The following NT5C2 variants were observed in gnomAD, a reference collection of about 807,000 sequenced individuals.
NT5C2 encodes the protein cytosolic purine 5'-nucleotidase.
NT5C2 carries 58 observed loss-of-function variants against 76.1 expected under a neutral mutation model. The ratio of observed to expected loss-of-function variants is 0.76; its 90% confidence interval spans 0.62 to 0.95. The LOEUF (loss-of-function observed/expected upper bound fraction) is 0.95, where lower values mean the gene tolerates loss of function less well. NT5C2 is among the 40% of genes least tolerant of loss of function. The pLI, the probability that NT5C2 is intolerant of heterozygous loss-of-function variation, is 0.00. For missense variants in NT5C2, 478 were observed against 690.3 expected (o/e 0.69, Z 3.45); for synonymous variants, 229 against 237.4 (o/e 0.96, Z 0.32).
At chr10:103,138,442 C>G (rs1262787498) in intron 4 of NT5C2, among the ~76,000 whole-genome samples, 2 of 152,040 alleles carry the variant, frequency 1.3e-5, no homozygotes, top group Non-Finnish European at 2.9e-5. Flanking sequence ...CCTCTCACCC[C>G]CCGACAAGCC....
chr10:103,124,006 T>C (rs1021188983), intron 4 of NT5C2, among the ~76,000 whole-genome samples: 7 of 152,230 alleles, frequency 4.6e-5, no homozygotes, highest in Non-Finnish European at 5.9e-5. Context: ...ACCATTATGT[T>C]GCTCTAGTCT....
At chr10:103,138,866 G>A (rs770008830) in intron 4 of NT5C2, among the ~76,000 whole-genome samples, 1 of 152,156 alleles carries the variant, frequency 6.6e-6, no homozygotes, top group Non-Finnish European at 1.5e-5. Flanking sequence ...AATTAGCCGG[G>A]TGTGGTGGTG....
chr10:103,093,062 A>C lies in NT5C2; in HGVS notation c.1159+77T>G, dbSNP rs2067316369. On this transcript the variant is annotated intron_variant, in intron 15 of 18. Transcript: ENST00000404739. ...ACCTCTGACTTCCTGAATACAAAGT[A>C]ATGGTTTATCAAAGACGACTGATTC... 3 of 1,278,398 alleles carry C rather than the reference A, an allele frequency of 2.3e-6. No individual in the cohort carries two copies. In the African/African-American group the frequency reaches 4.5e-5, roughly 19 times the overall value. The allele number at this position is 1,278,398 out of a possible 1,614,324, so 79.2% of individuals were successfully genotyped here.
chr10:103,140,988 C>T (rs898889005), intron 3 of NT5C2, among the ~76,000 whole-genome samples: 1 of 152,116 alleles, frequency 6.6e-6, no homozygotes, highest in African/African-American at 2.4e-5. Flanking sequence ...TTTTGTTTCT[C>T]CTTTGCTGCG....
At chr10:103,139,920 GTT>G in intron 3 of NT5C2, among the ~76,000 whole-genome samples, 1 of 151,704 alleles carries the variant, frequency 6.6e-6, no homozygotes. Flanking sequence ...CCCCAACACT[GTT>G]TTGTTTTTGT....
intron 3 of NT5C2, among the ~76,000 whole-genome samples, chr10:103,140,951 C>T (rs557738857): frequency 6.6e-6 from 1 of 152,154 alleles, no homozygotes; most frequent in South Asian, 2.1e-4. Context: ...GGTTCGCAAA[C>T]AGTTTCTCCC....
chr10:103,102,002 A>C (rs1190564475), intron 6 of NT5C2, among the ~76,000 whole-genome samples: 2 of 152,158 alleles, frequency 1.3e-5, no homozygotes, highest in Admixed American at 1.3e-4. Context: ...TTTAGGGGCA[A>C]GAGGGTACTA....
intron 3 of NT5C2, among the ~76,000 whole-genome samples, chr10:103,147,840 G>T (rs1242862005): frequency 1.3e-5 from 2 of 152,090 alleles, no homozygotes; most frequent in African/African-American, 2.4e-5. Flanking sequence ...GGCAGTTTCC[G>T]CTAATGGGTA....
chr10:103,170,941 CCAAG>C (rs1281956968), intron 3 of NT5C2, among the ~76,000 whole-genome samples: 1 of 152,050 alleles, frequency 6.6e-6, no homozygotes, highest in East Asian at 1.9e-4. Flanking sequence ...AGTGTAAAGA[CCAAG>C]CAAATAATTG....
At chr10:103,095,840 T>C in intron 12 of NT5C2, 99 bp downstream of exon 12, 1 of 1,029,126 alleles carries the variant, frequency 9.7e-7, no homozygotes. Context: ...AGGACTTTTC[T>C]GGGTGGGTTC....
At chr10:103,185,420 C>T (rs575206409) in intron 1 of NT5C2, among the ~76,000 whole-genome samples, 2 of 151,856 alleles carry the variant, frequency 1.3e-5, no homozygotes, top group African/African-American at 2.4e-5. Context: ...CCAAGCCAGG[C>T]GGATCCCTTG....
intron 10 of NT5C2, among the ~76,000 whole-genome samples, 195 bp from the exon 11 acceptor site, chr10:103,097,569 A>G (rs2068504808): frequency 6.6e-6 from 1 of 152,270 alleles, no homozygotes; most frequent in Non-Finnish European, 1.5e-5. Flanking sequence ...TAGTATACAC[A>G]GTGTATGTAA....
chr10:103,099,925 C>T lies in NT5C2; in HGVS notation c.633+1G>A. The T allele has an allele frequency of 6.3e-7, 1 of 1,597,706 alleles. No homozygotes were observed. The highest frequency in any genetic ancestry group is 8.6e-7 in the Non-Finnish European group (1 of 1,165,506). On this transcript the variant is annotated splice_donor_variant, in intron 9 of 18. Coordinates refer to ENST00000404739, the MANE Select transcript of NT5C2 (RefSeq NM_001351169.2). LOFTEE classifies it high-confidence loss of function. ...CAGGTGAAGAAACAGCTTCTAGGTA[C>T]CTTGTAATGAACCCAGTCAACAGCA...
intron 4 of NT5C2, among the ~76,000 whole-genome samples, chr10:103,113,319 G>GA (rs1429754345): frequency 1.3e-5 from 2 of 151,782 alleles, no homozygotes; most frequent in African/African-American, 4.8e-5. Flanking sequence ...TAAATAAAAT[G>GA]AAAAAAATAC....
intron 2 of NT5C2, among the ~76,000 whole-genome samples, chr10:103,180,131 G>A (rs995620965): frequency 3.3e-5 from 5 of 152,136 alleles, no homozygotes; most frequent in African/African-American, 1.2e-4. Flanking sequence ...ATATACAAAT[G>A]GCAAATAAGC....
intron 3 of NT5C2, among the ~76,000 whole-genome samples, chr10:103,160,110 C>T (rs1212932950): frequency 2.0e-5 from 3 of 152,176 alleles, no homozygotes; most frequent in Non-Finnish European, 4.4e-5. Flanking sequence ...TCAAATGATA[C>T]TTGACATGGG....
chr10:103,096,039 T>A, intron 11 of NT5C2, 59 bp from the exon 12 acceptor site: 2 of 1,214,300 alleles, frequency 1.6e-6, no homozygotes, highest in Non-Finnish European at 2.4e-6. Context: ...GTATATAACC[T>A]AAAGAAATTA....
intron 4 of NT5C2, among the ~76,000 whole-genome samples, chr10:103,130,566 AAAAAAAAAATAAAAATT>A (rs1406955324): frequency 1.7e-5 from 2 of 115,050 alleles, no homozygotes; most frequent in African/African-American, 3.3e-5. Flanking sequence ...AAATAAATTT[AAAAAAAAAATAAAAATT>A]AAAAAAAAAA....
At chr10:103,095,915 G>A (rs750341901) in intron 12 of NT5C2, 24 bp downstream of exon 12, 1 of 1,591,192 alleles carries the variant, frequency 6.3e-7, no homozygotes, top group South Asian at 1.1e-5. Context: ...TTAAAGCAGT[G>A]GTCTATTGAG....
Sources: gnomAD v4.1 joint callset for allele counts (sites outside exome capture counted in the v4.1 genomes callset) on GRCh38, gnomAD v4.1.1 for gene constraint, MANE v1.5 for transcripts, NCBI Gene and HGNC (gene_info 2026-07-23, HGNC 2026-07-21) for gene names.